The following EPHA7 variants were observed in gnomAD, a reference collection of about 807,000 sequenced individuals.
The protein encoded by EPHA7 is EPH receptor A7, also known as ephrin type-A receptor 7.
Under a neutral mutation model 112.6 loss-of-function variants are expected in EPHA7, and 25 were observed. The ratio of observed to expected loss-of-function variants is 0.22; its 90% CI spans 0.16 to 0.31. The LOEUF (loss-of-function observed/expected upper bound fraction) is 0.31. EPHA7 is among the 10% of genes least tolerant of loss of function. The probability of loss-of-function intolerance (pLI) is 1.00; values close to 1 mark genes in which losing one functional copy is unlikely to be tolerated. For synonymous variants in EPHA7, 437 were observed against 406.5 expected (o/e 1.07, Z -0.90); for missense variants, 962 against 1,212.6 (o/e 0.79, Z 3.07).
rs1301600244 is a variant in EPHA7 at position 93,395,553 on chromosome 6, T to C, written c.832+14948A>G. 4.7e-5 allele frequency among the ~76,000 whole-genome samples: 7 copies of C among 148,660 alleles called. No individual in the cohort carries two copies. The Admixed American group carries it at 4.8e-4, about 10-fold the overall frequency. ...AAGTCAACTAAAAATATAAAGTGGA[T>C]AAGGATATATCTTTACTTATTTCAC... On this transcript the variant is annotated intron_variant, in intron 3 of 16. Coordinates refer to ENST00000369303, the MANE Select transcript of EPHA7 (RefSeq NM_004440.4).
Position 93,410,351 on chromosome 6 carries a change from T to G in EPHA7, c.832+150A>C. The G allele has an allele frequency of 3.0e-6, 2 of 674,466 alleles. No homozygotes were observed. The highest frequency in any genetic ancestry group is 5.3e-5 in the East Asian group (2 of 37,528). The allele number at this position is 674,466 out of a possible 1,614,324, so 41.8% of individuals were successfully genotyped here. ...GCAGATGCTACTGTAGGGCAATCAC[T>G]AAGTTCAACGGTGACTTTGTTTAAG... On this transcript the variant is annotated intron_variant, in intron 3 of 16. Coordinates refer to ENST00000369303, the MANE Select transcript of EPHA7 (RefSeq NM_004440.4). This position sits in a 1 kb window ranked among gnomAD's most constrained non-coding sequence, Gnocchi z 4.0.
intron 3 of EPHA7, among the ~76,000 whole-genome samples, chr6:93,381,952 CTAGA>C (rs936565540): frequency 2.6e-5 from 4 of 152,084 alleles, no homozygotes; most frequent in Admixed American, 6.6e-5. Context: ...CTTTCTATGC[CTAGA>C]TAATCATTTC....
chr6:93,297,463 T>C (rs1313955576), intron 5 of EPHA7, among the ~76,000 whole-genome samples: 1 of 152,142 alleles, frequency 6.6e-6, no homozygotes, highest in Non-Finnish European at 1.5e-5. Context: ...CCAAACCACA[T>C]TTCATAAGAA....
chr6:93,394,969 T>C (rs1778095369), intron 3 of EPHA7, among the ~76,000 whole-genome samples: 1 of 151,910 alleles, frequency 6.6e-6, no homozygotes, highest in Non-Finnish European at 1.5e-5. Flanking sequence ...AAATACTTAA[T>C]ATTTTTTATG....
intron 5 of EPHA7, among the ~76,000 whole-genome samples, chr6:93,298,636 A>G (rs1208624574): frequency 2.0e-5 from 3 of 152,168 alleles, no homozygotes; most frequent in Non-Finnish European, 4.4e-5. Context: ...GAAAAATACT[A>G]AGCCTTAAAC....
At chr6:93,392,609 T>G (rs73532376) in intron 3 of EPHA7, among the ~76,000 whole-genome samples, 1 of 151,988 alleles carries the variant, frequency 6.6e-6, no homozygotes, top group Non-Finnish European at 1.5e-5. Context: ...CCATTTACCT[T>G]ATTTTTCTAC....
chr6:93,309,863 G>C (rs1318945869), intron 5 of EPHA7, among the ~76,000 whole-genome samples: 1 of 152,128 alleles, frequency 6.6e-6, no homozygotes, highest in South Asian at 2.1e-4. Flanking sequence ...TTCTGTTAAT[G>C]CTCTAATATC....
At chr6:93,381,578 TA>T (rs564503980) in intron 3 of EPHA7, among the ~76,000 whole-genome samples, 57 of 152,268 alleles carry the variant, frequency 3.7e-4, no homozygotes, top group Non-Finnish European at 6.6e-4. Flanking sequence ...GGATAATTAA[TA>T]AACAGCAAAT....
At chr6:93,375,698 A>G (rs1011911729) in intron 3 of EPHA7, among the ~76,000 whole-genome samples, 3 of 152,168 alleles carry the variant, frequency 2.0e-5, no homozygotes, top group Admixed American at 1.3e-4. Flanking sequence ...CAAAAAAGTA[A>G]TGAAAAAAGA....
chr6:93,251,406 A>G (rs1335144770), intron 14 of EPHA7, among the ~76,000 whole-genome samples: 2 of 151,764 alleles, frequency 1.3e-5, no homozygotes, highest in African/African-American at 4.8e-5. Context: ...TAACATCCTA[A>G]TATCTACCTA....
Position 93,241,109 on chromosome 6 carries a change from A to C in EPHA7, c.*2317T>G, listed in dbSNP as rs1382586834. On this transcript the variant is annotated 3_prime_UTR_variant, in exon 17 of 17. Transcript: ENST00000369303. ...CCCTTCTACTCAAGAAAGACTACTC[A>C]ACTATAAATCTAGTGCTAGAAAAAA... 4.9e-6 allele frequency: 1 copy of C among 205,260 alleles called. No homozygotes were observed. The highest frequency in any genetic ancestry group is 1.0e-5 in the Non-Finnish European group (1 of 100,294). The allele number at this position is 205,260 out of a possible 1,614,324, so 12.7% of individuals were successfully genotyped here.
At chr6:93,341,467 T>G (rs1432731321) in intron 5 of EPHA7, among the ~76,000 whole-genome samples, 1 of 151,764 alleles carries the variant, frequency 6.6e-6, no homozygotes, top group African/African-American at 2.4e-5. Flanking sequence ...AATTAAGAGA[T>G]AGAAATTATG....
intron 3 of EPHA7, among the ~76,000 whole-genome samples, chr6:93,386,587 C>T (rs1161195672): frequency 6.6e-6 from 1 of 152,156 alleles, no homozygotes; most frequent in Non-Finnish European, 1.5e-5. Flanking sequence ...TGGCCCTCTT[C>T]TCCCAGCTCC....
At chr6:93,273,311 T>C (rs1021428184) in intron 5 of EPHA7, among the ~76,000 whole-genome samples, 5 of 152,006 alleles carry the variant, frequency 3.3e-5, no homozygotes, top group African/African-American at 1.2e-4. Flanking sequence ...TGAATTTCAG[T>C]GGGGTCATTA....
intron 5 of EPHA7, among the ~76,000 whole-genome samples, chr6:93,281,014 C>T (rs1407096605): frequency 6.6e-6 from 1 of 152,030 alleles, no homozygotes; most frequent in Non-Finnish European, 1.5e-5. Flanking sequence ...AATTGCTATT[C>T]TAAGGTGGGA....
chr6:93,248,777 C>T (rs1770075260), intron 14 of EPHA7, among the ~76,000 whole-genome samples: 1 of 152,154 alleles, frequency 6.6e-6, no homozygotes, highest in South Asian at 2.1e-4. Context: ...CAGCTCACTG[C>T]AGCCTTGAAC....
chr6:93,327,133 T>C (rs1339519962), intron 5 of EPHA7, among the ~76,000 whole-genome samples: 1 of 151,626 alleles, frequency 6.6e-6, no homozygotes, highest in Non-Finnish European at 1.5e-5. Flanking sequence ...ACACATGAGA[T>C]GTTCTGATGG....
At chr6:93,345,150 G>A (rs4707795) in intron 5 of EPHA7, among the ~76,000 whole-genome samples, 26,889 of 151,584 alleles carry the variant, frequency 0.18, 2,741 homozygotes, top group East Asian at 0.35. Context: ...AGGGTGCTGA[G>A]TTTAAGAGTA....
intron 3 of EPHA7, among the ~76,000 whole-genome samples, chr6:93,382,853 T>C (rs566566914): frequency 6.6e-6 from 1 of 152,240 alleles, no homozygotes; most frequent in East Asian, 1.9e-4. Flanking sequence ...TTTCAAAAGG[T>C]ATCACTACCA....
Sources: allele counts gnomAD v4.1 joint callset (sites outside exome capture counted in the v4.1 genomes callset), GRCh38; gene constraint gnomAD v4.1.1; non-coding constraint Gnocchi (gnomAD v3.1); transcripts MANE v1.5; gene names NCBI Gene and HGNC (gene_info 2026-07-23, HGNC 2026-07-21).